PTPRR: variants seen among roughly 807,000 people sequenced by gnomAD.
PTPRR encodes receptor-type tyrosine-protein phosphatase R.
A neutral mutation model predicts 77.2 loss-of-function variants in PTPRR; 38 were observed. The ratio of observed to expected loss-of-function variants is 0.49; its 90% confidence interval spans 0.38 to 0.65. The LOEUF (loss-of-function observed/expected upper bound fraction) is 0.65. Ranked by LOEUF, PTPRR falls within the 30% of genes least tolerant of loss-of-function variation. The pLI, the probability that PTPRR is intolerant of heterozygous loss-of-function variation, is 0.00. For missense variants in PTPRR, 744 were observed against 799.2 expected (o/e 0.93, Z 0.83); for synonymous variants, 299 against 283.1 (o/e 1.06, Z -0.57).
chr12:70,717,392 T>C (rs1889071703), intron 6 of PTPRR, among the ~76,000 whole-genome samples: 2 of 152,178 alleles, frequency 1.3e-5, no homozygotes, highest in Non-Finnish European at 2.9e-5. Context: ...TCCTAAGCTA[T>C]ACCAGTGACA....
chr12:70,764,563 A>T (rs574052575), intron 3 of PTPRR, 102 bp downstream of exon 3: 27 of 899,478 alleles, frequency 3.0e-5, no homozygotes, highest in Middle Eastern at 4.4e-4. Flanking sequence ...GACGTGCCGG[A>T]TTTGGCTCAT....
chr12:70,770,321 C>A (rs1048637804), intron 2 of PTPRR, among the ~76,000 whole-genome samples: 3 of 151,982 alleles, frequency 2.0e-5, no homozygotes, highest in East Asian at 3.9e-4. Flanking sequence ...AAGAAAAAAA[C>A]AAACAACCCC....
At chr12:70,708,125 T>C (rs939858020) in intron 6 of PTPRR, among the ~76,000 whole-genome samples, 2 of 152,022 alleles carry the variant, frequency 1.3e-5, no homozygotes, top group Admixed American at 1.3e-4. Context: ...CCAATATGTA[T>C]CCAATATATA....
rs529547383 is a variant in PTPRR at position 70,884,871 on chromosome 12, CAAAA to C, written c.357+7804_357+7807del. Among the ~76,000 whole-genome samples, 145 of 53,940 alleles carry C rather than the reference CAAAA, an allele frequency of 2.7e-3. 2 individuals carry two copies. The highest frequency in any genetic ancestry group is 0.012 in the African/African-American group (129 of 10,748). The allele number at this position is 53,940 out of a possible 152,430, so 35.4% of individuals were successfully genotyped here. A position where few individuals can be genotyped will look rare whatever the true frequency, so the allele number is the denominator to read the frequency against. On this transcript the variant is annotated intron_variant, in intron 2 of 13. Transcript: ENST00000283228. Reference sequence around the variant, plus strand: ...TGGGCAACAGAGCAAAACTCTGTCTCAAAAAAAAAAAAAAAAAAAAAAAAAGTTT... The same window carrying C: ...TGGGCAACAGAGCAAAACTCTGTCTCAAAAAAAAAAAAAAAAAAAAAGTTT...
At chr12:70,730,486 G>C (rs1225859047) in intron 6 of PTPRR, among the ~76,000 whole-genome samples, 1 of 151,848 alleles carries the variant, frequency 6.6e-6, no homozygotes, top group Non-Finnish European at 1.5e-5. Flanking sequence ...GCTCCAGCCT[G>C]GGTGACAGAG....
At chr12:70,729,326 GTCTATCTA>G (rs58783163) in intron 6 of PTPRR, among the ~76,000 whole-genome samples, 9,938 of 151,030 alleles carry the variant, frequency 0.066, 1,074 homozygotes, top group African/African-American at 0.22. Context: ...GTATCTATCT[GTCTATCTA>G]TCTATCTATC....
rs139305767 is a variant in PTPRR, at chr12:70,870,278, C to T, written c.357+22401G>A. Among the ~76,000 whole-genome samples, 43 of 152,178 alleles carry T rather than the reference C, an allele frequency of 2.8e-4. No individual in the cohort carries two copies. In the East Asian group the frequency reaches 6.6e-3, roughly 23 times the overall value. ...AAAATAAATGAGATACTTTGAGTGACGGCCTACCTGAGCCTCAATGTCATT... is the reference window on the plus strand; with the variant it reads ...AAAATAAATGAGATACTTTGAGTGATGGCCTACCTGAGCCTCAATGTCATT... On this transcript the variant is annotated intron_variant, in intron 2 of 13. Coordinates refer to ENST00000283228, the MANE Select transcript of PTPRR (RefSeq NM_002849.4).
intron 10 of PTPRR, among the ~76,000 whole-genome samples, chr12:70,679,132 T>C (rs919921537): frequency 7.9e-5 from 12 of 152,370 alleles, no homozygotes; most frequent in Admixed American, 7.8e-4. Context: ...TCTTTCTATT[T>C]GTCTCAAGGA....
At chr12:70,675,396 T>C (rs1887407304) in intron 10 of PTPRR, among the ~76,000 whole-genome samples, 1 of 151,966 alleles carries the variant, frequency 6.6e-6, no homozygotes, top group African/African-American at 2.4e-5. Context: ...ATTTTCGAAA[T>C]TCTGTCTTTT....
intron 6 of PTPRR, among the ~76,000 whole-genome samples, chr12:70,710,806 C>T (rs545562970): frequency 6.6e-6 from 1 of 152,138 alleles, no homozygotes; most frequent in African/African-American, 2.4e-5. Context: ...AAAATCTCAA[C>T]ATCACTGATA....
chr12:70,709,418 T>C (rs924145908), intron 6 of PTPRR, among the ~76,000 whole-genome samples: 13 of 152,078 alleles, frequency 8.5e-5, no homozygotes, highest in Non-Finnish European at 1.8e-4. Context: ...AAGACAAGAA[T>C]GCTTTCACCA....
At chr12:70,711,365 GA>G (rs1419449213) in intron 6 of PTPRR, among the ~76,000 whole-genome samples, 1 of 152,072 alleles carries the variant, frequency 6.6e-6, no homozygotes, top group Non-Finnish European at 1.5e-5. Flanking sequence ...ATGTAGAGGG[GA>G]AAAACACACA....
At chr12:70,748,315 C>T (rs1890277175) in intron 5 of PTPRR, among the ~76,000 whole-genome samples, 1 of 152,116 alleles carries the variant, frequency 6.6e-6, no homozygotes, top group South Asian at 2.1e-4. Context: ...GTCTCATGTC[C>T]TTCTTTGAAA....
chr12:70,873,970 A>G (rs1241480964), intron 2 of PTPRR, among the ~76,000 whole-genome samples: 1 of 152,128 alleles, frequency 6.6e-6, no homozygotes, highest in African/African-American at 2.4e-5. Context: ...TTTAGGTTAA[A>G]AAGTTTTCCT....
intron 1 of PTPRR, among the ~76,000 whole-genome samples, chr12:70,904,116 G>A (rs1207779456): frequency 6.6e-6 from 1 of 151,902 alleles, no homozygotes; most frequent in Non-Finnish European, 1.5e-5. Context: ...AGGTGAGAAT[G>A]CAAAATGGCA....
At chr12:70,911,970 A>T (rs1165429965) in intron 1 of PTPRR, among the ~76,000 whole-genome samples, 1 of 152,194 alleles carries the variant, frequency 6.6e-6, no homozygotes, top group Non-Finnish European at 1.5e-5. Context: ...ACTACTATGG[A>T]ATTCTGCTAA....
chr12:70,918,355 T>G (rs1357844395), intron 1 of PTPRR, among the ~76,000 whole-genome samples: 1 of 152,258 alleles, frequency 6.6e-6, no homozygotes, highest in Admixed American at 6.5e-5. Flanking sequence ...CAATGAATAG[T>G]ATCTTGCAAT....
chr12:70,672,972 C>A (rs763279197), intron 10 of PTPRR: 8 of 1,384,100 alleles, frequency 5.8e-6, no homozygotes, highest in Non-Finnish European at 7.6e-6. Context: ...TGTAAGCCTC[C>A]TCTTCTAGGT....
chr12:70,708,080 G>A (rs116419312), intron 6 of PTPRR, among the ~76,000 whole-genome samples: 197 of 152,094 alleles, frequency 1.3e-3, no homozygotes, highest in African/African-American at 4.2e-3. Flanking sequence ...CCAAATGCCA[G>A]GGGCTCTTTC....
Sources: allele counts gnomAD v4.1 joint callset (sites outside exome capture counted in the v4.1 genomes callset), GRCh38; gene constraint gnomAD v4.1.1; transcripts MANE v1.5; gene names NCBI Gene and HGNC (gene_info 2026-07-23, HGNC 2026-07-21).